The following RBFOX1 variants were observed in gnomAD, a reference collection of about 807,000 sequenced individuals.
RBFOX1 encodes RNA binding protein fox-1 homolog 1.
In RBFOX1, 8 loss-of-function variants were observed where a neutral mutation model predicts 57.7. That is an observed-to-expected ratio of 0.14 (90% CI 0.08 to 0.25). RBFOX1 has a LOEUF of 0.25. Among genes scored for constraint, RBFOX1 ranks in the 10% least tolerant of loss-of-function variants. The probability of loss-of-function intolerance (pLI) is 1.00; values close to 1 mark genes in which losing one functional copy is unlikely to be tolerated. For missense variants in RBFOX1, 611 were observed against 548.5 expected (o/e 1.11, Z -1.14); for synonymous variants, 326 against 222.4 (o/e 1.47, Z -4.15).
chr16:7,191,982 A>G (rs1019506737), intron 4 of RBFOX1, among the ~76,000 whole-genome samples: 1 of 152,260 alleles, frequency 6.6e-6, no homozygotes, highest in Admixed American at 6.5e-5. Flanking sequence ...GGGCTGCACA[A>G]ACGGCCCTGG....
intron 2 of RBFOX1, among the ~76,000 whole-genome samples, chr16:5,469,698 G>A (rs1475519061): frequency 6.6e-6 from 1 of 152,088 alleles, no homozygotes; most frequent in Admixed American, 6.5e-5. Flanking sequence ...ACAACTGCTA[G>A]TCTGCATCCT....
At chr16:7,232,993 T>C (rs369954706) in intron 4 of RBFOX1, among the ~76,000 whole-genome samples, 2 of 152,278 alleles carry the variant, frequency 1.3e-5, no homozygotes, top group East Asian at 3.9e-4. Flanking sequence ...GTGATTGTTG[T>C]CACCCTGCTT....
At chr16:7,355,905 AG>A (rs2097206778) in intron 4 of RBFOX1, among the ~76,000 whole-genome samples, 1 of 152,216 alleles carries the variant, frequency 6.6e-6, no homozygotes, top group African/African-American at 2.4e-5. Flanking sequence ...TGACAGCCAA[AG>A]GCAATCTGCC....
At position 6,644,727 on chromosome 16, in the gene RBFOX1, A is replaced by G. The variant is rs145672999; in HGVS notation, c.-63-9876A>G. ...CAATTTAGAGGTTTTCAGGGGCTGT[A>G]TTGTGGAAACACCTGGGCCCTGGAG... On this transcript the variant is annotated intron_variant, in intron 2 of 15. Transcript: ENST00000550418. Among the ~76,000 whole-genome samples, 903 of 152,214 alleles carry G rather than the reference A, an allele frequency of 5.9e-3. 11 individuals carry two copies. Among genetic ancestry groups the G allele is most frequent in the African/African-American group, 0.021 (867 of 41,546 alleles).
intron 3 of RBFOX1, among the ~76,000 whole-genome samples, chr16:6,699,081 C>G (rs972599221): frequency 4.6e-5 from 7 of 152,146 alleles, no homozygotes; most frequent in Non-Finnish European, 8.8e-5. Context: ...AGGCAAGTGA[C>G]AATCATAACC....
chr16:5,970,797 G>C (rs1320381238), intron 4 of RBFOX1, among the ~76,000 whole-genome samples: 1 of 152,146 alleles, frequency 6.6e-6, no homozygotes, highest in East Asian at 1.9e-4. Context: ...TGTTTTCATT[G>C]CACAGCAAAA....
chr16:6,363,583 G>T (rs912467888), intron 2 of RBFOX1, among the ~76,000 whole-genome samples: 2 of 152,228 alleles, frequency 1.3e-5, no homozygotes, highest in Admixed American at 6.5e-5. Context: ...TGGCAAGAAT[G>T]AGTGTCACAT....
At chr16:7,144,417 C>CTTTTTTTTT (rs1190886141) in intron 4 of RBFOX1, among the ~76,000 whole-genome samples, 8 of 66,924 alleles carry the variant, frequency 1.2e-4, no homozygotes, top group East Asian at 4.7e-4. Flanking sequence ...TTTCTTTCTT[C>CTTTTTTTTT]TTTTTTTTTT....
chr16:5,959,772 A>G (rs1216087498), intron 4 of RBFOX1, among the ~76,000 whole-genome samples: 1 of 152,316 alleles, frequency 6.6e-6, no homozygotes, highest in Non-Finnish European at 1.5e-5. Context: ...AGATCGCACC[A>G]CTGAACTCCA....
intron 2 of RBFOX1, among the ~76,000 whole-genome samples, chr16:6,375,905 T>A (rs926854618): frequency 6.6e-6 from 1 of 152,140 alleles, no homozygotes; most frequent in African/African-American, 2.4e-5. Flanking sequence ...CCTACACATG[T>A]CTTTCTGTGC....
chr16:7,462,699 C>A (rs1484007763), intron 4 of RBFOX1, among the ~76,000 whole-genome samples: 1 of 152,162 alleles, frequency 6.6e-6, no homozygotes, highest in Non-Finnish European at 1.5e-5. Flanking sequence ...TGGTTCAGTC[C>A]CTGGCAGTGG....
At chr16:6,565,690 G>A (rs1446681707) in intron 2 of RBFOX1, among the ~76,000 whole-genome samples, 9 of 151,806 alleles carry the variant, frequency 5.9e-5, no homozygotes, top group Admixed American at 3.9e-4. Context: ...GGATGGTCTC[G>A]ATCTCCTGAC....
At chr16:6,918,796 G>A (rs1233474299) in intron 3 of RBFOX1, among the ~76,000 whole-genome samples, 2 of 152,106 alleles carry the variant, frequency 1.3e-5, no homozygotes, top group African/African-American at 4.8e-5. Context: ...GTATGCAGGA[G>A]CATTGAGCAG....
In RBFOX1 at chr16:7,136,329, AC is replaced by A. The variant is rs1230786957; in HGVS notation, c.27+84237del. Among the ~76,000 whole-genome samples the A allele has an allele frequency of 4.6e-5, 7 of 150,772 alleles. No homozygotes were observed. The East Asian group carries it at 9.8e-4, about 21-fold the overall frequency. ...TTAGCCACATCTCAAGTGTCCAATG[AC>A]CCCCCTGTGACTAGTAGCTGTCATA... On this transcript the variant is annotated intron_variant, in intron 4 of 15. Coordinates refer to ENST00000550418, the MANE Select transcript of RBFOX1 (RefSeq NM_018723.4).
chr16:5,537,296 C>T (rs2044739009), intron 2 of RBFOX1, among the ~76,000 whole-genome samples: 1 of 152,176 alleles, frequency 6.6e-6, no homozygotes. Flanking sequence ...ATTCCAAAGC[C>T]AATTCCACAT....
At chr16:5,544,129 C>T (rs1489458503) in intron 2 of RBFOX1, among the ~76,000 whole-genome samples, 4 of 152,186 alleles carry the variant, frequency 2.6e-5, no homozygotes, top group South Asian at 2.1e-4. Flanking sequence ...CTGAGTGCAC[C>T]CAGAGCATTT....
intron 4 of RBFOX1, among the ~76,000 whole-genome samples, chr16:5,953,631 A>G (rs1291652480): frequency 6.6e-6 from 1 of 151,920 alleles, no homozygotes; most frequent in African/African-American, 2.4e-5. Context: ...TTAGAATAAT[A>G]GTCTCTAATC....
chr16:7,589,912 G>T (rs200632278), intron 7 of RBFOX1, among the ~76,000 whole-genome samples: 2 of 135,050 alleles, frequency 1.5e-5, no homozygotes, highest in African/African-American at 2.7e-5. Flanking sequence ...GTGTGTGCTG[G>T]GTGTGTGTGT....
intron 3 of RBFOX1, among the ~76,000 whole-genome samples, chr16:6,843,357 A>T (rs2093591609): frequency 6.6e-6 from 1 of 151,892 alleles, no homozygotes; most frequent in Non-Finnish European, 1.5e-5. Context: ...AAAAAAAAAA[A>T]TTCCTTACTT....
Sources: allele counts gnomAD v4.1 joint callset (sites outside exome capture counted in the v4.1 genomes callset), GRCh38; gene constraint gnomAD v4.1.1; transcripts MANE v1.5; gene names NCBI Gene and HGNC (gene_info 2026-07-23, HGNC 2026-07-21).